VPS33A: variants seen among roughly 807,000 people sequenced by gnomAD.
VPS33A encodes the protein VPS33A core subunit of CORVET and HOPS complexes, also known as vacuolar protein sorting-associated protein 33A.
Under a neutral mutation model 71.8 loss-of-function variants are expected in VPS33A, and 32 were observed. That is an observed-to-expected ratio of 0.45 (90% CI 0.34 to 0.60). The LOEUF is 0.60. Ranked by LOEUF, VPS33A falls within the 20% of genes least tolerant of loss-of-function variation. VPS33A has a pLI of 0.02. For synonymous variants in VPS33A, 311 were observed against 292.7 expected, an observed-to-expected ratio of 1.06 and a Z score of -0.64; for missense variants, 625 against 748.5, an observed-to-expected ratio of 0.84 and a Z score of 1.92.
chr12:122,266,453 G>A lies in VPS33A; in HGVS notation c.-45C>T, dbSNP rs371627512. ...CCCCACAACGCCAACCGAGTCCGCC[G>A]GTTCCTACGGGAGGACCACGGACGC... is the stretch of plus-strand genomic sequence containing the variant. On this transcript the variant is annotated 5_prime_UTR_variant, in exon 1 of 13. Transcript: ENST00000267199. 6 of 1,584,706 alleles carry A rather than the reference G, an allele frequency of 3.8e-6. No homozygotes were observed. Among genetic ancestry groups the A allele is most frequent in the South Asian group, 1.1e-5 (1 of 89,736 alleles).
chr12:122,258,036 C>CCA (rs1298748278), intron 4 of VPS33A, among the ~76,000 whole-genome samples: 2 of 151,996 alleles, frequency 1.3e-5, no homozygotes, highest in East Asian at 3.9e-4. Flanking sequence ...ATTTGGACAC[C>CCA]CACCTTGCAT....
chr12:122,266,374 A>G lies in VPS33A; in HGVS notation c.35T>C (p.Leu12Pro). 1 of 1,613,690 alleles carries G rather than the reference A, an allele frequency of 6.2e-7. No individual in the cohort carries two copies. The highest frequency in any genetic ancestry group is 8.5e-7 in the Non-Finnish European group (1 of 1,179,974). ...AAHLSYGRVN[L>P]NVLREAVRRE... ...ACGCACCGCCTCGCGCAACACGTTT[A>G]GGTTCACTCGGCCGTAGGACAGATG... The change falls in exon 1 of 13, where the codon CTA becomes CCA. Residue 12 changes from leucine (L) to proline (P), a missense_variant. By Grantham distance (98) the Leu-to-Pro change is moderately conservative. Transcript: ENST00000267199.
chr12:122,233,248 C>CA (rs1318916074), intron 11 of VPS33A, among the ~76,000 whole-genome samples: 1 of 148,704 alleles, frequency 6.7e-6, no homozygotes, highest in Non-Finnish European at 1.5e-5. Context: ...TTTTTTGAGA[C>CA]AGAGTCTGGC....
At chr12:122,239,688 G>A (rs565456397) in intron 9 of VPS33A, among the ~76,000 whole-genome samples, 190 bp downstream of exon 9, 5 of 135,270 alleles carry the variant, frequency 3.7e-5, no homozygotes, top group South Asian at 2.4e-4. Context: ...CAGAGATGGC[G>A]CCACTGCACT....
chr12:122,259,187 G>GTGTATGTATGTGTGTA (rs1954958603), intron 4 of VPS33A, among the ~76,000 whole-genome samples: 2 of 144,646 alleles, frequency 1.4e-5, no homozygotes, highest in African/African-American at 2.6e-5. Flanking sequence ...GTATGTATGT[G>GTGTATGTATGTGTGTA]TGTATGTATG....
At chr12:122,248,231 C>T (rs886803339) in intron 6 of VPS33A, 3 of 152,382 alleles carry the variant, frequency 2.0e-5, no homozygotes, top group African/African-American at 7.2e-5. Context: ...TTACACATCC[C>T]TCTCCTCAGG....
chr12:122,233,021 C>T, intron 11 of VPS33A, 53 bp from the exon 12 acceptor site: 1 of 1,476,804 alleles, frequency 6.8e-7, no homozygotes, highest in Non-Finnish European at 9.0e-7. Flanking sequence ...CTTAGAGCTA[C>T]CTGACTGTGG....
chr12:122,249,494 G>A (rs1179554781), intron 6 of VPS33A: 1 of 155,392 alleles, frequency 6.4e-6, no homozygotes, highest in African/African-American at 2.4e-5. Context: ...CAAAGAGCTG[G>A]AATTACAAGT....
intron 3 of VPS33A, among the ~76,000 whole-genome samples, chr12:122,263,244 T>C (rs1181466626): frequency 1.3e-5 from 2 of 152,064 alleles, no homozygotes; most frequent in Non-Finnish European, 2.9e-5. Flanking sequence ...CCACCCGCCT[T>C]GGCCTCCCAA....
chr12:122,245,992 C>T (rs1329657280), intron 6 of VPS33A, among the ~76,000 whole-genome samples: 1 of 152,200 alleles, frequency 6.6e-6, no homozygotes, highest in Non-Finnish European at 1.5e-5. Context: ...GCGAAGTAGC[C>T]TTAATCTCCT....
At chr12:122,240,086 A>G in intron 8 of VPS33A, 141 bp from the exon 9 acceptor site, 2 of 637,914 alleles carry the variant, frequency 3.1e-6, no homozygotes, top group Admixed American at 2.7e-5. Context: ...TCAGCACTGT[A>G]GGGGGCCGAG....
At position 122,239,518 on chromosome 12, in the gene VPS33A, A is replaced by G. The variant is rs187929850; in HGVS notation, c.1164+360T>C. Among the ~76,000 whole-genome samples the G allele has an allele frequency of 8.9e-4, 135 of 152,214 alleles. 1 individual carries two copies. Among genetic ancestry groups the G allele is most frequent in the African/African-American group, 2.8e-3 (118 of 41,532 alleles). Reference sequence around the variant, plus strand: ...TGGGAGGCCAAGGTGGGCGGATCACAAGGTCGGAGATCGAGACCATCCTGG... The same window carrying G: ...TGGGAGGCCAAGGTGGGCGGATCACGAGGTCGGAGATCGAGACCATCCTGG... On this transcript the variant is annotated intron_variant, in intron 9 of 12. Coordinates refer to ENST00000267199, the MANE Select transcript of VPS33A (RefSeq NM_022916.6).
Position 122,242,390 on chromosome 12 carries a change from T to A in VPS33A, c.1088A>T (p.Asp363Val). 1 of 1,613,584 alleles carries A rather than the reference T, an allele frequency of 6.2e-7. No individual in the cohort carries two copies. The highest frequency in any genetic ancestry group is 8.5e-7 in the Non-Finnish European group (1 of 1,179,560). Residue 363 changes from aspartate to valine, a missense_variant, in exon 8 of 13, where the codon GAT becomes GTT. Physicochemically the swap from Asp to Val is radical, Grantham distance 152. Coordinates refer to ENST00000267199, the MANE Select transcript of VPS33A (RefSeq NM_022916.6). ...TTACAAAGGATACTCACTAGTGACA[T>A]CTTTGATCAATTCTGCAATTGAGGT... Reference protein sequence around the residue: ...NHTSIAELIKDVTTSEDFFDK... With the variant: ...NHTSIAELIKVVTTSEDFFDK...
At position 122,238,662 on chromosome 12, in the gene VPS33A, T is replaced by C. The variant is rs1421186222; in HGVS notation, c.1227A>G (p.Leu409=). The C allele has an allele frequency of 6.2e-7, 1 of 1,614,038 alleles. No individual in the cohort carries two copies. Among genetic ancestry groups the C allele is most frequent in the Non-Finnish European group, 8.5e-7 (1 of 1,180,004 alleles). ...TATTACACACGGATTGGAGGCAAACTAGTCTTAACACCTTGATCAACGAGT... is the reference window on the plus strand; with the variant it reads ...TATTACACACGGATTGGAGGCAAACCAGTCTTAACACCTTGATCAACGAGT... ...QKHSLIKVLR[L]VCLQSVCNSG... Residue 409 remains leucine (L), a synonymous_variant, in exon 10 of 13, where the codon CTA becomes CTG. Transcript: ENST00000267199.
chr12:122,237,189 C>T (rs73219897), intron 10 of VPS33A, among the ~76,000 whole-genome samples: 11,433 of 152,238 alleles, frequency 0.075, 602 homozygotes, highest in Middle Eastern at 0.16. Flanking sequence ...GTGGCCTTTT[C>T]CTTATTATAA....
At chr12:122,234,805 C>T (rs1247438351) in intron 11 of VPS33A, among the ~76,000 whole-genome samples, 4 of 152,204 alleles carry the variant, frequency 2.6e-5, no homozygotes, top group Admixed American at 2.0e-4. Flanking sequence ...GGCCAGCTTC[C>T]TCTGCTGGAG....
intron 4 of VPS33A, among the ~76,000 whole-genome samples, chr12:122,255,580 C>CTGTA: frequency 6.6e-6 from 1 of 152,058 alleles, no homozygotes; most frequent in Admixed American, 6.5e-5. Flanking sequence ...TGGCGGGCAC[C>CTGTA]TGTAATTCCA....
rs1462989135 is a variant in VPS33A at position 122,229,589 on chromosome 12, G to A, written c.*2657C>T. 6.6e-6 allele frequency: 1 copy of A among 152,024 alleles called. No individual in the cohort carries two copies. Among genetic ancestry groups the A allele is most frequent in the Non-Finnish European group, 1.5e-5 (1 of 68,008 alleles). 9.4% of individuals were successfully genotyped at this position (152,024 alleles called of 1,614,324 possible). ...TGTCTGTGTAGACTTCTTTATTAAG[G>A]GGGCTGCTGGTGTAGAACTGTCTAC... On this transcript the variant is annotated 3_prime_UTR_variant, in exon 13 of 13. Coordinates refer to ENST00000267199, the MANE Select transcript of VPS33A (RefSeq NM_022916.6).
chr12:122,229,958 A>G lies in VPS33A; in HGVS notation c.*2288T>C, dbSNP rs1403594290. 1 of 152,158 alleles carries G rather than the reference A, an allele frequency of 6.6e-6. No homozygotes were observed. The highest frequency in any genetic ancestry group is 1.5e-5 in the Non-Finnish European group (1 of 68,036). The allele number at this position is 152,158 out of a possible 1,614,324, so 9.4% of individuals were successfully genotyped here. A position where few individuals can be genotyped will look rare whatever the true frequency, so the allele number is the denominator to read the frequency against. On this transcript the variant is annotated 3_prime_UTR_variant, in exon 13 of 13. Transcript: ENST00000267199. ...CAGGACAGAATCCCCAGCCAGGGAG[A>G]CTTGACCAGACTTGAATTGAGCCCC... is the stretch of plus-strand genomic sequence containing the variant.
Sources: gnomAD v4.1 joint callset for allele counts (sites outside exome capture counted in the v4.1 genomes callset) on GRCh38, gnomAD v4.1.1 for gene constraint, MANE v1.5 for transcripts, NCBI Gene and HGNC (gene_info 2026-07-23, HGNC 2026-07-21) for gene names.